SPTBN2: variants seen among roughly 807,000 people sequenced by gnomAD.
SPTBN2 encodes spectrin beta chain, non-erythrocytic 2.
A neutral mutation model predicts 284.2 loss-of-function variants in SPTBN2; 107 were observed. That is an observed-to-expected ratio of 0.38 (90% CI 0.32 to 0.44). The LOEUF (loss-of-function observed/expected upper bound fraction) is 0.44. Ranked by LOEUF, SPTBN2 falls within the 20% of genes least tolerant of loss-of-function variation. SPTBN2 has a pLI of 1.00. For synonymous variants in SPTBN2, 1,289 were observed against 1,354.8 expected (o/e 0.95, Z 1.07); for missense variants, 2,569 against 3,287.1 (o/e 0.78, Z 5.34).
rs1347754807 is a variant in SPTBN2, at chr11:66,689,867, A to G, written c.5887T>C (p.Phe1963Leu). The change falls in exon 29 of 38, where the codon TTC (phenylalanine) becomes CTC (leucine). Residue 1963 changes from phenylalanine (F) to leucine (L), a missense_variant. Around this residue, in one of 6 missense-constraint regions of SPTBN2, gnomAD observed 1,130 missense variants for 1,317.3 expected, o/e 0.86. Coordinates refer to ENST00000533211, the MANE Select transcript of SPTBN2 (RefSeq NM_006946.4). ...TTCCCCATGTCGATGCAGGAGGAGA[A>G]GCGGTCTGCCCGGGCCTCTATCTCT... ...KAEIEARADRFSSCIDMGKEL... is the reference protein window; with the variant it reads ...KAEIEARADRLSSCIDMGKEL... 1.2e-6 allele frequency: 2 copies of G among 1,614,004 alleles called. No individual in the cohort carries two copies. Among genetic ancestry groups the G allele is most frequent in the Non-Finnish European group, 1.7e-6 (2 of 1,180,018 alleles).
Position 66,721,347 on chromosome 11 carries a change from T to A in SPTBN2, c.-23+3A>T. On this transcript the variant is annotated splice_donor_region_variant and intron_variant, in intron 2 of 37. Transcript: ENST00000533211. ...ACCGGGGCCTTCTGTCTTCTTGCCC[T>A]ACCTGTGCTCCGCTCTCCTTGTGGC... The A allele has an allele frequency of 6.9e-7, 1 of 1,444,742 alleles. No homozygotes were observed. The highest frequency in any genetic ancestry group is 9.7e-7 in the Non-Finnish European group (1 of 1,032,538). The allele number at this position is 1,444,742 out of a possible 1,614,324, so 89.5% of individuals were successfully genotyped here.
chr11:66,713,949 C>A, intron 7 of SPTBN2, 142 bp downstream of exon 7: 1 of 953,200 alleles, frequency 1.0e-6, no homozygotes. Flanking sequence ...AGCCCTGCAC[C>A]CCCATGTTCT....
At chr11:66,688,883 G>A (rs1199972867) in intron 30 of SPTBN2, 34 bp from the exon 31 acceptor site, 1 of 1,608,276 alleles carries the variant, frequency 6.2e-7, no homozygotes. Flanking sequence ...AAGATGGTGG[G>A]TCAGAGTGGC....
intron 1 of SPTBN2, among the ~76,000 whole-genome samples, chr11:66,738,458 G>A (rs899462086): frequency 5.3e-5 from 8 of 152,150 alleles, no homozygotes; most frequent in African/African-American, 1.9e-4. Context: ...TGGGGAAACA[G>A]AAGTCAGAAG....
At position 66,688,425 on chromosome 11, in the gene SPTBN2, C is replaced by T. The variant is rs1011727664; in HGVS notation, c.6232-114G>A. ...TTGATGAAATATGATAAGAGGAGAA[C>T]AGAATTTGAGAAGATGGTGGGGACA... On this transcript the variant is annotated intron_variant, in intron 31 of 37. Coordinates refer to ENST00000533211, the MANE Select transcript of SPTBN2 (RefSeq NM_006946.4). 6.5e-6 allele frequency: 10 copies of T among 1,534,142 alleles called. No homozygotes were observed. In the African/African-American group the frequency reaches 9.6e-5, roughly 15 times the overall value.
In SPTBN2 at chr11:66,700,563, C is replaced by T. The variant is rs763122364; in HGVS notation, c.3536G>A (p.Arg1179Gln). 7.5e-6 allele frequency: 12 copies of T among 1,606,776 alleles called. No homozygotes were observed. The highest frequency in any genetic ancestry group is 2.2e-5 in the South Asian group (2 of 91,080). Reference sequence around the variant, plus strand: ...CACGCCCTCAGCCTGACGAGCATCCCGCAGGAATCCCTGGAAGCCGTGGGC... The same window carrying T: ...CACGCCCTCAGCCTGACGAGCATCCTGCAGGAATCCCTGGAAGCCGTGGGC... ...AQAHGFQGFL[R>Q]DARQAEGVLS... Residue 1179 changes from arginine to glutamine, a missense_variant, in exon 17 of 38, where the codon CGG (arginine) becomes CAG (glutamine). Coordinates refer to ENST00000533211, the MANE Select transcript of SPTBN2 (RefSeq NM_006946.4). The surrounding 1 kb of genome is among the most constrained non-coding windows in gnomAD (Gnocchi z 6.6).
intron 7 of SPTBN2, 121 bp downstream of exon 7, chr11:66,713,970 C>T (rs1942013352): frequency 5.5e-6 from 6 of 1,096,182 alleles, no homozygotes; most frequent in Admixed American, 1.8e-5. Flanking sequence ...GGTTCTGCTC[C>T]GAGTGCTATT....
At position 66,707,870 on chromosome 11, in the gene SPTBN2, G is replaced by A. The variant is rs746366007; in HGVS notation, c.1351-52C>T. 1 of 1,590,406 alleles carries A rather than the reference G, an allele frequency of 6.3e-7. No individual in the cohort carries two copies. Among genetic ancestry groups the A allele is most frequent in the African/African-American group, 1.3e-5 (1 of 74,726 alleles). The stretch of plus-strand genomic sequence containing the variant: ...GTGGGGACCAAGGGACAGTGCCTCT[G>A]CCTGCTCCTCTGTCCTGCAGGGCAC... On this transcript the variant is annotated intron_variant, in intron 12 of 37. Coordinates refer to ENST00000533211, the MANE Select transcript of SPTBN2 (RefSeq NM_006946.4). The surrounding 1 kb of genome is among the most constrained non-coding windows in gnomAD (Gnocchi z 4.9).
At chr11:66,714,747 C>A (rs1942054533) in intron 5 of SPTBN2, among the ~76,000 whole-genome samples, 1 of 152,002 alleles carries the variant, frequency 6.6e-6, no homozygotes, top group Non-Finnish European at 1.5e-5. Context: ...CCGACAGAAC[C>A]CGGGAAGGAA....
intron 15 of SPTBN2, among the ~76,000 whole-genome samples, chr11:66,702,398 C>T (rs1388484284): frequency 6.6e-6 from 1 of 152,124 alleles, no homozygotes; most frequent in South Asian, 2.1e-4. Context: ...AACTCCTGAC[C>T]TCATGCTCCA....
chr11:66,724,142 C>T (rs1333774776), intron 1 of SPTBN2, among the ~76,000 whole-genome samples: 1 of 152,102 alleles, frequency 6.6e-6, no homozygotes, highest in Non-Finnish European at 1.5e-5. Context: ...ATTTTTTGGC[C>T]GGGTGCGGAG....
chr11:66,686,189 A>C (rs751151625), intron 37 of SPTBN2, 85 bp from the exon 38 acceptor site: 4 of 1,457,720 alleles, frequency 2.7e-6, no homozygotes, highest in Non-Finnish European at 3.8e-6. Flanking sequence ...TAAGAGGAGG[A>C]GGCAGAAAGT....
intron 8 of SPTBN2, among the ~76,000 whole-genome samples, chr11:66,711,540 C>T (rs942668787): frequency 2.6e-5 from 4 of 152,128 alleles, no homozygotes; most frequent in African/African-American, 4.8e-5. Flanking sequence ...GTGATCACGC[C>T]GTTTCTAACC....
chr11:66,713,797 G>A (rs1193652077), intron 7 of SPTBN2, 51 bp from the exon 8 acceptor site: 2 of 1,402,230 alleles, frequency 1.4e-6, no homozygotes, highest in African/African-American at 1.4e-5. Context: ...AGATCTCGAA[G>A]AGGAAGAGGA....
chr11:66,704,124 C>G (rs548715104), intron 15 of SPTBN2, among the ~76,000 whole-genome samples: 1 of 152,030 alleles, frequency 6.6e-6, no homozygotes, highest in Non-Finnish European at 1.5e-5. Context: ...AGGCGCCCCC[C>G]ACTGTGCCCG....
rs1005345714 is a variant in SPTBN2 at position 66,693,933 on chromosome 11, G to T, written c.4504-72C>A. 9.1e-6 allele frequency: 13 copies of T among 1,434,670 alleles called. No homozygotes were observed. Among genetic ancestry groups the T allele is most frequent in the South Asian group, 1.2e-5 (1 of 83,520 alleles). The allele number at this position is 1,434,670 out of a possible 1,614,324, so 88.9% of individuals were successfully genotyped here. On this transcript the variant is annotated intron_variant, in intron 22 of 37. Coordinates refer to ENST00000533211, the MANE Select transcript of SPTBN2 (RefSeq NM_006946.4). This position sits in a 1 kb window ranked among gnomAD's most constrained non-coding sequence, Gnocchi z 5.7. ...GCAGCAGGGACTGATTAGTGGGAGT[G>T]GGGACACCTGGGGCTACCGCCCTGT... is the stretch of plus-strand genomic sequence containing the variant.
At position 66,689,809 on chromosome 11, in the gene SPTBN2, T is replaced by G; in HGVS notation, c.5945A>C (p.Glu1982Ala). Residue 1982 changes from glutamate to alanine, a missense_variant, in exon 29 of 38, where the codon GAG becomes GCG. By Grantham distance (107) the Glu-to-Ala change is moderately radical. Transcript: ENST00000533211. Reference protein sequence around the residue: ...ELLARSHYAAEEISEKLSQLQ... With the variant: ...ELLARSHYAAAEISEKLSQLQ... ...GGCCACCCAGGCCTCACCCACCTCCTCGGCCGCATAGTGGCTCCTGGCCAG... is the reference window on the plus strand; with the variant it reads ...GGCCACCCAGGCCTCACCCACCTCCGCGGCCGCATAGTGGCTCCTGGCCAG... 6.2e-7 allele frequency: 1 copy of G among 1,613,522 alleles called. No individual in the cohort carries two copies. The highest frequency in any genetic ancestry group is 8.5e-7 in the Non-Finnish European group (1 of 1,179,996).
At position 66,687,230 on chromosome 11, in the gene SPTBN2, G is replaced by A; in HGVS notation, c.6723-63C>T. ...GCGCCCGCAACCTGGAGCCCTCTTGGGTGTCCTAGGACTTCCAGTTCTGCT... is the reference window on the plus strand; with the variant it reads ...GCGCCCGCAACCTGGAGCCCTCTTGAGTGTCCTAGGACTTCCAGTTCTGCT... On this transcript the variant is annotated intron_variant, in intron 35 of 37. Transcript: ENST00000533211. This position sits in a 1 kb window ranked among gnomAD's most constrained non-coding sequence, Gnocchi z 5.2. The A allele has an allele frequency of 1.9e-6, 3 of 1,601,684 alleles. No homozygotes were observed. Among genetic ancestry groups the A allele is most frequent in the Non-Finnish European group, 2.5e-6 (3 of 1,176,934 alleles).
intron 8 of SPTBN2, chr11:66,712,905 C>A: frequency 6.6e-6 from 1 of 151,602 alleles, no homozygotes; most frequent in Non-Finnish European, 1.5e-5. Context: ...TGTAGATATC[C>A]AATCAGCATA....
Sources: gnomAD v4.1 joint callset for allele counts (sites outside exome capture counted in the v4.1 genomes callset) on GRCh38, gnomAD v4.1.1 for gene constraint, gnomAD v4.1.1 regional missense constraint, Gnocchi (gnomAD v3.1) non-coding constraint, MANE v1.5 for transcripts, NCBI Gene and HGNC (gene_info 2026-07-23, HGNC 2026-07-21) for gene names.